The following CCDC171 variants were observed in gnomAD, a reference collection of about 807,000 sequenced individuals.
CCDC171 encodes coiled-coil domain-containing protein 171.
Under a neutral mutation model 168.2 loss-of-function variants are expected in CCDC171, and 177 were observed. That is an observed-to-expected ratio of 1.05 (90% confidence interval 0.93 to 1.19). The LOEUF (loss-of-function observed/expected upper bound fraction) is 1.19, where lower values mean the gene tolerates loss of function less well. CCDC171 is among the 50% of genes most tolerant of loss of function. The pLI is 0.00. For synonymous variants in CCDC171, 687 were observed against 540.8 expected, an observed-to-expected ratio of 1.27 and a Z score of -3.75; for missense variants, 1,991 against 1,539.0, an observed-to-expected ratio of 1.29 and a Z score of -4.91.
chr9:16,030,400 T>A (rs1037691959), intron 6 of CCDC171, among the ~76,000 whole-genome samples: 1 of 152,236 alleles, frequency 6.6e-6, no homozygotes, highest in Non-Finnish European at 1.5e-5. Flanking sequence ...ATTTGTTGTT[T>A]AGATATAAAA....
chr9:15,831,507 A>G (rs573030311), intron 21 of CCDC171, among the ~76,000 whole-genome samples: 1 of 152,326 alleles, frequency 6.6e-6, no homozygotes, highest in East Asian at 1.9e-4. Flanking sequence ...CATTGTAATT[A>G]TACTAATAAA....
At position 15,971,667 on chromosome 9, in the gene CCDC171, A is replaced by C. The variant is rs765588374; in HGVS notation, c.3812A>C (p.Asp1271Ala). Residue 1271 changes from aspartate to alanine, a missense_variant, in exon 26 of 26, where the codon GAC becomes GCC. Physicochemically the swap from Asp to Ala is moderately radical, Grantham distance 126 (BLOSUM62 -2). Coordinates refer to ENST00000380701, the MANE Select transcript of CCDC171 (RefSeq NM_173550.4). ...CCTTCAAGAGCTCCTCTTCCTGCTG[A>C]CACAACTGGTATTGGGGATTTCTTA... ...SIPSRAPLPA[D>A]TTGIGDFLPL... 6.2e-7 allele frequency: 1 copy of C among 1,613,888 alleles called. No homozygotes were observed. The highest frequency in any genetic ancestry group is 1.1e-5 in the South Asian group (1 of 91,070).
At chr9:15,902,261 TGTATATATATATATATATATACAC>T (rs1032136352) in intron 24 of CCDC171, among the ~76,000 whole-genome samples, 1 of 143,286 alleles carries the variant, frequency 7.0e-6, no homozygotes, top group East Asian at 2.0e-4. Flanking sequence ...TATATATATA[TGTATATATATATATATATATACAC>T]ACACACACAC....
intron 24 of CCDC171, among the ~76,000 whole-genome samples, chr9:15,890,946 A>G (rs1312591778): frequency 2.0e-5 from 3 of 152,134 alleles, no homozygotes; most frequent in African/African-American, 7.2e-5. Flanking sequence ...CATGGTGATA[A>G]AAGGACTGGC....
chr9:15,948,837 T>A (rs896245777), intron 25 of CCDC171, among the ~76,000 whole-genome samples: 1 of 151,394 alleles, frequency 6.6e-6, no homozygotes, highest in Non-Finnish European at 1.5e-5. Context: ...TTAGATCCCA[T>A]TTGTCAATTT....
In CCDC171 at chr9:15,666,311, C is replaced by G. The variant is rs371131683; in HGVS notation, c.1064C>G (p.Ala355Gly). 198 of 1,604,952 alleles carry G rather than the reference C, an allele frequency of 1.2e-4. No homozygotes were observed. The highest frequency in any genetic ancestry group is 3.3e-4 in the Middle Eastern group (2 of 6,020). Residue 355 changes from alanine (A) to glycine (G), a missense_variant, in exon 9 of 26, where the codon GCA becomes GGA. Ala to Gly is a moderately conservative substitution (Grantham distance 60). Coordinates refer to ENST00000380701, the MANE Select transcript of CCDC171 (RefSeq NM_173550.4). ...REKHNAQESF[A>G]KLNLLEKEYF... ...AAGCATAATGCACAAGAGAGCTTTG[C>G]AAAACTAAATTTGTAAGTATTCTAT...
chr9:15,722,142 T>A (rs1457943502), intron 12 of CCDC171, among the ~76,000 whole-genome samples: 4 of 152,014 alleles, frequency 2.6e-5, no homozygotes, highest in Non-Finnish European at 5.9e-5. Flanking sequence ...ATTTATCTGT[T>A]TTAACTTAAT....
At chr9:15,628,115 A>T (rs2132203841) in intron 7 of CCDC171, among the ~76,000 whole-genome samples, 1 of 152,236 alleles carries the variant, frequency 6.6e-6, no homozygotes, top group African/African-American at 2.4e-5. Flanking sequence ...AAGACGGGTG[A>T]TTTCTGCATT....
At chr9:16,053,677 G>C (rs1043311749) in intron 1 of CCDC171, among the ~76,000 whole-genome samples, 2 of 152,180 alleles carry the variant, frequency 1.3e-5, no homozygotes, top group African/African-American at 4.8e-5. Flanking sequence ...TATTTGCCAC[G>C]AAGGCTGAAT....
intron 24 of CCDC171, among the ~76,000 whole-genome samples, chr9:15,883,511 A>G (rs1456462875): frequency 6.6e-6 from 1 of 152,188 alleles, no homozygotes; most frequent in Non-Finnish European, 1.5e-5. Context: ...ATACTAGCAG[A>G]TGAGATATCT....
chr9:15,597,152 G>T (rs879645255), intron 6 of CCDC171, among the ~76,000 whole-genome samples: 2 of 151,894 alleles, frequency 1.3e-5, no homozygotes, highest in Non-Finnish European at 2.9e-5. Flanking sequence ...TCTCCTGCCC[G>T]ATTGCCCTGG....
At chr9:15,960,778 C>G (rs2132632939) in intron 25 of CCDC171, among the ~76,000 whole-genome samples, 1 of 152,186 alleles carries the variant, frequency 6.6e-6, no homozygotes, top group East Asian at 1.9e-4. Flanking sequence ...AAGTACCTTT[C>G]TCTCCCTAAG....
intron 18 of CCDC171, among the ~76,000 whole-genome samples, chr9:15,757,613 A>G (rs755431948): frequency 2.6e-5 from 4 of 152,258 alleles, no homozygotes; most frequent in African/African-American, 4.8e-5. Flanking sequence ...CAATTAGCTG[A>G]ATCTCCAAGA....
chr9:15,597,128 A>G (rs533988264), intron 6 of CCDC171, among the ~76,000 whole-genome samples: 28 of 152,024 alleles, frequency 1.8e-4, no homozygotes, highest in Non-Finnish European at 3.2e-4. Flanking sequence ...CTAATTGAAT[A>G]CCCTTTATTT....
chr9:16,042,900 C>G (rs1366636892), intron 1 of CCDC171: 1 of 152,224 alleles, frequency 6.6e-6, no homozygotes, highest in East Asian at 1.9e-4. Context: ...AGCAAGTGCA[C>G]CAAGGACAAG....
intron 11 of CCDC171, among the ~76,000 whole-genome samples, chr9:15,711,554 CTG>C (rs2052665531): frequency 6.6e-6 from 1 of 152,056 alleles, no homozygotes; most frequent in South Asian, 2.1e-4. Context: ...TAAGAAGTAA[CTG>C]TGAAGATCAA....
At chr9:15,602,118 G>T (rs2042903226) in intron 6 of CCDC171, among the ~76,000 whole-genome samples, 1 of 152,060 alleles carries the variant, frequency 6.6e-6, no homozygotes, top group Admixed American at 6.5e-5. Context: ...ATTTGTAACT[G>T]GAATGTTTAG....
intron 11 of CCDC171, among the ~76,000 whole-genome samples, chr9:15,708,896 G>C (rs2052445341): frequency 6.6e-6 from 1 of 152,090 alleles, no homozygotes; most frequent in Non-Finnish European, 1.5e-5. Context: ...ATTCAGAGTA[G>C]AACTTTGGAG....
At chr9:15,814,478 T>C (rs959832630) in intron 21 of CCDC171, among the ~76,000 whole-genome samples, 7 of 152,164 alleles carry the variant, frequency 4.6e-5, no homozygotes, top group Admixed American at 1.3e-4. Flanking sequence ...ACAGAAACTG[T>C]TACTTCCTTG....
Sources: allele counts gnomAD v4.1 joint callset (sites outside exome capture counted in the v4.1 genomes callset), GRCh38; gene constraint gnomAD v4.1.1; transcripts MANE v1.5; gene names NCBI Gene and HGNC (gene_info 2026-07-23, HGNC 2026-07-21).